KLHL35: variants seen among roughly 807,000 people sequenced by gnomAD.
The protein encoded by KLHL35 is kelch-like protein 35.
KLHL35 carries 50 observed loss-of-function variants against 44.0 expected under a neutral mutation model. That is an observed-to-expected ratio of 1.14 (90% CI 0.91 to 1.44). The LOEUF (loss-of-function observed/expected upper bound fraction) is 1.44. Ranked by LOEUF, KLHL35 falls within the 40% of genes most tolerant of loss-of-function variation. The pLI, the probability that KLHL35 is intolerant of heterozygous loss-of-function variation, is 0.00. For synonymous variants in KLHL35, 470 were observed against 410.4 expected (o/e 1.15, Z -1.76); for missense variants, 1,049 against 887.8 (o/e 1.18, Z -2.31).
chr11:75,430,434 A>G lies in KLHL35; in HGVS notation c.196T>C (p.Phe66Leu). 7.2e-7 allele frequency: 1 copy of G among 1,394,770 alleles called. No homozygotes were observed. The highest frequency in any genetic ancestry group is 9.3e-7 in the Non-Finnish European group (1 of 1,075,386). The allele number at this position is 1,394,770 out of a possible 1,614,324, so 86.4% of individuals were successfully genotyped here. ...RAALSAGSAY[F>L]RSLFAAGRPE... ...CGCCCGGCCGCGAACAAGCTGCGGAAGTAGGCGCTGCCCGCGCTGAGCGCC... is the reference window on the plus strand; with the variant it reads ...CGCCCGGCCGCGAACAAGCTGCGGAGGTAGGCGCTGCCCGCGCTGAGCGCC... The change falls in exon 2 of 7, where the codon TTC (phenylalanine) becomes CTC (leucine). Residue 66 changes from phenylalanine (F) to leucine (L), a missense_variant. Physicochemically the swap from Phe to Leu is conservative, Grantham distance 22. Transcript: ENST00000539798.
intron 4 of KLHL35, 56 bp from the exon 5 acceptor site, chr11:75,425,637 C>T: frequency 7.4e-7 from 1 of 1,359,050 alleles, no homozygotes; most frequent in South Asian, 1.6e-5. Context: ...GGGCCCTCGG[C>T]CTCATCGCTT....
At position 75,428,438 on chromosome 11, in the gene KLHL35, T is replaced by C. The variant is rs752507412; in HGVS notation, c.1066+4A>G. ...GTGAGCTCCCGTTGCGGCTCCGCCC[T>C]CACCGGAGACGTAGACGTCATTGCG... On this transcript the variant is annotated splice_donor_region_variant and intron_variant, in intron 3 of 6. Coordinates refer to ENST00000539798, the MANE Select transcript of KLHL35 (RefSeq NM_001039548.3). The C allele has an allele frequency of 1.2e-5, 19 of 1,612,174 alleles. No individual in the cohort carries two copies. In the South Asian group the frequency reaches 2.1e-4, roughly 18 times the overall value.
At position 75,429,892 on chromosome 11, in the gene KLHL35, T is replaced by G. The variant is rs780647125; in HGVS notation, c.738A>C (p.Leu246=). ...RRLLEHVRLP[L]LAPAYFLEKV... is the part of the protein sequence containing the mutation. ...TCTCCAGGAAGTAAGCGGGCGCCAG[T>G]AGCGGCAGGCGCACGTGCTCCAGCA... is the stretch of plus-strand genomic sequence containing the variant. The change falls in exon 2 of 7, where the codon CTA becomes CTC. Residue 246 remains leucine (L), a synonymous_variant. Coordinates refer to ENST00000539798, the MANE Select transcript of KLHL35 (RefSeq NM_001039548.3). The G allele has an allele frequency of 6.6e-7, 1 of 1,514,142 alleles. No homozygotes were observed. The highest frequency in any genetic ancestry group is 1.4e-5 in the African/African-American group (1 of 69,172). The allele number at this position is 1,514,142 out of a possible 1,614,324, so 93.8% of individuals were successfully genotyped here. A position where few individuals can be genotyped will look rare whatever the true frequency, so the allele number is the denominator to read the frequency against.
In KLHL35 at chr11:75,422,623, C is replaced by G. The variant is rs372814752; in HGVS notation, c.1709G>C (p.Ser570Thr). 5 of 1,613,766 alleles carry G rather than the reference C, an allele frequency of 3.1e-6. No homozygotes were observed. The African/African-American group carries it at 6.7e-5, about 22-fold the overall frequency. Residue 570 changes from serine (S) to threonine (T), a missense_variant, in exon 7 of 7, where the codon AGC becomes ACC. Ser to Thr is a moderately conservative substitution (Grantham distance 58, BLOSUM62 1). Coordinates refer to ENST00000539798, the MANE Select transcript of KLHL35 (RefSeq NM_001039548.3). Reference sequence around the variant, plus strand: ...GATGATGGTGACACAGCCGTGGGAGCTGGTGCAGCGCTGCAGGGATGGCTG... The same window carrying G: ...GATGATGGTGACACAGCCGTGGGAGGTGGTGCAGCGCTGCAGGGATGGCTG... ...EVQPSLQRCTSSHGCVTIIQS... is the reference protein window; with the variant it reads ...EVQPSLQRCTTSHGCVTIIQS...
chr11:75,424,116 GCCT>G (rs1333858985), intron 5 of KLHL35: 8 of 484,838 alleles, frequency 1.7e-5, no homozygotes, highest in African/African-American at 3.9e-5. Flanking sequence ...TTTGTCAAAA[GCCT>G]CCTCATCTTT....
At position 75,422,543 on chromosome 11, in the gene KLHL35, CCT is replaced by C. The variant is rs762121155; in HGVS notation, c.*35_*36del. 2.1e-5 allele frequency: 33 copies of C among 1,592,448 alleles called. No individual in the cohort carries two copies. Among genetic ancestry groups the C allele is most frequent in the Non-Finnish European group, 2.7e-5 (32 of 1,164,400 alleles). Reference sequence around the variant, plus strand: ...AGAGTGTGCATCTGAGCTCCGCCTGCCTCTCCGCCTCCTGGCTCAGGCTGTCC... The same window carrying C: ...AGAGTGTGCATCTGAGCTCCGCCTGCCTCCGCCTCCTGGCTCAGGCTGTCC... On this transcript the variant is annotated 3_prime_UTR_variant, in exon 7 of 7. Coordinates refer to ENST00000539798, the MANE Select transcript of KLHL35 (RefSeq NM_001039548.3).
chr11:75,430,587 C>A lies in KLHL35; in HGVS notation c.43G>T (p.Glu15Ter). 7.0e-7 allele frequency: 1 copy of A among 1,434,032 alleles called. No homozygotes were observed. The highest frequency in any genetic ancestry group is 9.1e-7 in the Non-Finnish European group (1 of 1,098,132). The allele number at this position is 1,434,032 out of a possible 1,614,324, so 88.8% of individuals were successfully genotyped here. The change falls in exon 2 of 7, where the codon GAA becomes TAA. Residue 15 changes from glutamate (E) to a stop codon, truncating the protein, a stop_gained. Coordinates refer to ENST00000539798, the MANE Select transcript of KLHL35 (RefSeq NM_001039548.3). LOFTEE classifies it high-confidence loss of function. ...HAPEESEPGC[E>*]APCAGPCHAQ... ...TGGCACGGACCCGCGCACGGCGCTT[C>A]GCAGCCCGGCTCCGACTCCTCCGGC...
In KLHL35 at chr11:75,430,546, C is replaced by T. The variant is rs749276224; in HGVS notation, c.84G>A (p.Leu28=). 523 of 1,452,228 alleles carry T rather than the reference C, an allele frequency of 3.6e-4. 1 individual carries two copies. Among genetic ancestry groups the T allele is most frequent in the Non-Finnish European group, 2.3e-4 (253 of 1,105,810 alleles). The allele number at this position is 1,452,228 out of a possible 1,614,324, so 90.0% of individuals were successfully genotyped here. ...CAGPCHAQRV[L]QALNAYRRSG... ...TCCGCCGGTAGGCGTTCAGGGCCTG[C>T]AGCACGCGCTGCGCGTGGCACGGAC... The change falls in exon 2 of 7, where the codon CTG becomes CTA. Residue 28 remains leucine, a synonymous_variant. Coordinates refer to ENST00000539798, the MANE Select transcript of KLHL35 (RefSeq NM_001039548.3).
Position 75,428,594 on chromosome 11 carries a change from A to T in KLHL35, c.914T>A (p.Ile305Asn). Residue 305 changes from isoleucine to asparagine, a missense_variant, in exon 3 of 7, where the codon ATC (isoleucine) becomes AAC (asparagine). Transcript: ENST00000539798. ...FMDLAEVIVV[I>N]GGCDRKGLLK... is the part of the protein sequence containing the mutation. ...GAGACCTTTGCGGTCGCAACCGCCG[A>T]TGACCACGATCACTTCAGCTAGGTC... The T allele has an allele frequency of 6.2e-7, 1 of 1,604,874 alleles. No homozygotes were observed. The highest frequency in any genetic ancestry group is 1.3e-5 in the African/African-American group (1 of 74,980).
chr11:75,426,182 CCT>C, intron 4 of KLHL35: 1 of 168,922 alleles, frequency 5.9e-6, no homozygotes, highest in South Asian at 1.4e-4. Flanking sequence ...GTCTGGATCT[CCT>C]GACCTCGTGA....
intron 5 of KLHL35, chr11:75,424,621 G>C (rs1233725897): frequency 1.3e-5 from 2 of 152,276 alleles, no homozygotes; most frequent in African/African-American, 4.8e-5. Flanking sequence ...CCCACCATGA[G>C]TGCCTATCAC....
Position 75,430,412 on chromosome 11 carries a change from C to G in KLHL35, c.218G>C (p.Gly73Ala). 1 of 1,365,160 alleles carries G rather than the reference C, an allele frequency of 7.3e-7. No individual in the cohort carries two copies. Among genetic ancestry groups the G allele is most frequent in the Non-Finnish European group, 9.5e-7 (1 of 1,051,538 alleles). The allele number at this position is 1,365,160 out of a possible 1,614,324, so 84.6% of individuals were successfully genotyped here. Residue 73 changes from glycine (G) to alanine (A), a missense_variant, in exon 2 of 7, where the codon GGG (glycine) becomes GCG (alanine). Physicochemically the swap from Gly to Ala is moderately conservative, Grantham distance 60 (BLOSUM62 0). Transcript: ENST00000539798. ...CACGGCCGGGCCGCGCTCGGGCCGCCCGGCCGCGAACAAGCTGCGGAAGTA... is the reference window on the plus strand; with the variant it reads ...CACGGCCGGGCCGCGCTCGGGCCGCGCGGCCGCGAACAAGCTGCGGAAGTA... ...SAYFRSLFAA[G>A]RPERGPAVVP...
At chr11:75,425,655 TAC>T (rs1215324576) in intron 4 of KLHL35, 74 bp from the exon 5 acceptor site, 3 of 1,275,516 alleles carry the variant, frequency 2.4e-6, no homozygotes, top group Admixed American at 3.6e-5. Flanking sequence ...CTTCAGTCCT[TAC>T]AGTCTTTGAG....
rs772120376 is a variant in KLHL35 at position 75,425,508 on chromosome 11, G to T, written c.1259C>A (p.Thr420Asn). The T allele has an allele frequency of 6.4e-7, 1 of 1,564,636 alleles. No homozygotes were observed. The highest frequency in any genetic ancestry group is 8.6e-7 in the Non-Finnish European group (1 of 1,163,038). Residue 420 changes from threonine to asparagine, a missense_variant, in exon 5 of 7, where the codon ACC becomes AAC. Physicochemically the swap from Thr to Asn is moderately conservative, Grantham distance 65 (BLOSUM62 0). Transcript: ENST00000539798. ...CGGGAGGGGCGCGGCGGCCGCCCAG[G>T]TGTTGGAGAAGGGGTCGTAGCGCTC... ...SVERYDPFSN[T>N]WAAAAPLPEA...
chr11:75,427,034 G>T (rs944731880), intron 3 of KLHL35, among the ~76,000 whole-genome samples: 1 of 152,172 alleles, frequency 6.6e-6, no homozygotes, highest in African/African-American at 2.4e-5. Flanking sequence ...AGAGCCAGCT[G>T]CACTGGGAGC....
At position 75,422,774 on chromosome 11, in the gene KLHL35, T is replaced by G. The variant is rs751848918; in HGVS notation, c.1564-6A>C. 1.9e-6 allele frequency: 3 copies of G among 1,606,894 alleles called. No individual in the cohort carries two copies. The African/African-American group carries it at 4.0e-5, about 21-fold the overall frequency. ...ACAGTGACTCCACAGCTTTCCTGGG[T>G]GGACAAACAGAAAGACAACTATCAG... On this transcript the variant is annotated splice_region_variant and splice_polypyrimidine_tract_variant and intron_variant, in intron 6 of 6. Transcript: ENST00000539798.
At chr11:75,423,469 GCT>G (rs1948466909) in intron 6 of KLHL35, 1 of 561,880 alleles carries the variant, frequency 1.8e-6, no homozygotes, top group Admixed American at 3.1e-5. Context: ...AGGGTTCTAG[GCT>G]CTGCCTTAAC....
intron 5 of KLHL35, 102 bp downstream of exon 5, chr11:75,425,291 G>C (rs2135079429): frequency 7.9e-7 from 1 of 1,270,302 alleles, no homozygotes; most frequent in Non-Finnish European, 1.0e-6. Flanking sequence ...ATGGGATTAA[G>C]TGAATAAATG....
At chr11:75,424,878 A>G (rs1047976229) in intron 5 of KLHL35, 3 of 153,104 alleles carry the variant, frequency 2.0e-5, no homozygotes, top group African/African-American at 7.2e-5. Flanking sequence ...TGTAAAGTTG[A>G]TAATCACGTG....
Sources: allele counts gnomAD v4.1 joint callset (sites outside exome capture counted in the v4.1 genomes callset), GRCh38; gene constraint gnomAD v4.1.1; transcripts MANE v1.5; gene names NCBI Gene and HGNC (gene_info 2026-07-23, HGNC 2026-07-21).